Variants in BORCS5 observed in about 807,000 individuals in gnomAD.
BORCS5 encodes the protein BLOC-1-related complex subunit 5.
BORCS5 carries 17 observed loss-of-function variants against 22.1 expected under a neutral mutation model. That is an observed-to-expected ratio of 0.77 (90% confidence interval 0.53 to 1.15). BORCS5 has a LOEUF of 1.15. Among genes scored for constraint, BORCS5 ranks in the 50% most tolerant of loss-of-function variants. The pLI, the probability that BORCS5 is intolerant of heterozygous loss-of-function variation, is 0.00. For synonymous variants in BORCS5, 117 were observed against 99.8 expected (o/e 1.17, Z -1.03); for missense variants, 247 against 253.2 (o/e 0.98, Z 0.17).
At chr12:12,445,529 CTTTTTTTTT>C (rs56356376) in intron 3 of BORCS5, among the ~76,000 whole-genome samples, 4 of 38,992 alleles carry the variant, frequency 1.0e-4, no homozygotes, top group South Asian at 8.4e-4. Flanking sequence ...TTTGAAATAC[CTTTTTTTTT>C]TTTTTTTTTT....
At chr12:12,399,208 T>G (rs558775317) in intron 2 of BORCS5, among the ~76,000 whole-genome samples, 10 of 152,290 alleles carry the variant, frequency 6.6e-5, no homozygotes, top group African/African-American at 2.4e-4. Context: ...TAGCATAGGT[T>G]TCATTCAACC....
intron 2 of BORCS5, among the ~76,000 whole-genome samples, chr12:12,384,292 A>T (rs551137763): frequency 6.6e-6 from 1 of 150,540 alleles, no homozygotes; most frequent in Non-Finnish European, 1.5e-5. Context: ...TGCTTTTTAA[A>T]ATATATATAT....
intron 3 of BORCS5, among the ~76,000 whole-genome samples, chr12:12,443,167 T>C (rs1942718690): frequency 6.6e-6 from 1 of 152,172 alleles, no homozygotes; most frequent in African/African-American, 2.4e-5. Flanking sequence ...ATTGTTAGAG[T>C]CCTGTGGCCG....
At chr12:12,366,193 A>G (rs1453216564) in intron 2 of BORCS5, among the ~76,000 whole-genome samples, 1 of 152,206 alleles carries the variant, frequency 6.6e-6, no homozygotes, top group Non-Finnish European at 1.5e-5. Flanking sequence ...TGATTTCAGA[A>G]AGCTTTTATT....
chr12:12,413,536 G>C lies in BORCS5; in HGVS notation c.203-22092G>C, dbSNP rs947002297. Reference sequence around the variant, plus strand: ...TCTCAGTTTTTTCCCCACCCTTCCTGCCTTTCTATTCCACAAAACCGCCAT... The same window carrying C: ...TCTCAGTTTTTTCCCCACCCTTCCTCCCTTTCTATTCCACAAAACCGCCAT... On this transcript the variant is annotated intron_variant, in intron 2 of 3. Coordinates refer to ENST00000314565, the MANE Select transcript of BORCS5 (RefSeq NM_058169.6). Among the ~76,000 whole-genome samples, 8 of 145,436 alleles carry C rather than the reference G, an allele frequency of 5.5e-5. 1 individual carries two copies. Among genetic ancestry groups the C allele is most frequent in the African/African-American group, 2.1e-4 (8 of 38,274 alleles).
At chr12:12,417,568 C>G (rs1197757178) in intron 2 of BORCS5, among the ~76,000 whole-genome samples, 1 of 152,116 alleles carries the variant, frequency 6.6e-6, no homozygotes, top group African/African-American at 2.4e-5. Flanking sequence ...AGACTTCCAG[C>G]TATTATTGAA....
intron 2 of BORCS5, among the ~76,000 whole-genome samples, chr12:12,386,750 G>A (rs867113555): frequency 5.3e-5 from 8 of 151,164 alleles, no homozygotes; most frequent in Non-Finnish European, 7.4e-5. Context: ...GATTACAGGT[G>A]CCAGCCACCG....
chr12:12,452,301 A>G, intron 3 of BORCS5: 1 of 753,590 alleles, frequency 1.3e-6, no homozygotes, highest in South Asian at 1.3e-5. Flanking sequence ...GTTTGTCTCC[A>G]ATACCATTCC....
At chr12:12,438,845 C>A (rs1288304078) in intron 3 of BORCS5, among the ~76,000 whole-genome samples, 1 of 152,142 alleles carries the variant, frequency 6.6e-6, no homozygotes, top group East Asian at 1.9e-4. Flanking sequence ...GTGAAGGATT[C>A]TTTTAAAAAA....
chr12:12,422,980 GC>G (rs1942177236), intron 2 of BORCS5, among the ~76,000 whole-genome samples: 1 of 132,720 alleles, frequency 7.5e-6, no homozygotes, highest in South Asian at 2.1e-4. Flanking sequence ...AAATACATGG[GC>G]TTTTTTTTTT....
At chr12:12,422,664 A>T (rs1380522595) in intron 2 of BORCS5, among the ~76,000 whole-genome samples, 3 of 152,148 alleles carry the variant, frequency 2.0e-5, no homozygotes, top group Non-Finnish European at 4.4e-5. Flanking sequence ...TGACAGCTTA[A>T]CTTTCATAAC....
chr12:12,404,807 T>C (rs534283053), intron 2 of BORCS5, among the ~76,000 whole-genome samples: 2 of 152,324 alleles, frequency 1.3e-5, no homozygotes, highest in East Asian at 1.9e-4. Context: ...CAAGTGATTC[T>C]CCTGCCTCAG....
At chr12:12,434,128 C>T (rs749393242) in intron 2 of BORCS5, among the ~76,000 whole-genome samples, 7 of 151,844 alleles carry the variant, frequency 4.6e-5, no homozygotes, top group African/African-American at 7.3e-5. Flanking sequence ...ACTAAAAATA[C>T]AAAAACTAGC....
intron 2 of BORCS5, among the ~76,000 whole-genome samples, chr12:12,423,970 G>A (rs150967521): frequency 0.011 from 1,641 of 152,312 alleles, 28 homozygotes; most frequent in African/African-American, 0.037. Flanking sequence ...GATTACAGGC[G>A]TGAGCCAGTG....
At chr12:12,465,272 G>C (rs533064771) in intron 3 of BORCS5, among the ~76,000 whole-genome samples, 13 of 152,332 alleles carry the variant, frequency 8.5e-5, no homozygotes, top group African/African-American at 3.1e-4. Context: ...TAGGGAGATA[G>C]AAATCTCAGG....
intron 2 of BORCS5, among the ~76,000 whole-genome samples, chr12:12,378,384 T>TA (rs1863701552): frequency 6.6e-6 from 1 of 152,036 alleles, no homozygotes; most frequent in Admixed American, 6.6e-5. Flanking sequence ...AAAAAATACA[T>TA]AAAGTCTACT....
chr12:12,447,074 A>C (rs1942803801), intron 3 of BORCS5, among the ~76,000 whole-genome samples: 1 of 152,082 alleles, frequency 6.6e-6, no homozygotes, highest in Non-Finnish European at 1.5e-5. Flanking sequence ...TTCTACCTGG[A>C]AGTTTACGAA....
chr12:12,423,838 G>A (rs1942207267), intron 2 of BORCS5, among the ~76,000 whole-genome samples: 1 of 152,164 alleles, frequency 6.6e-6, no homozygotes, highest in African/African-American at 2.4e-5. Flanking sequence ...ACAGGCATCT[G>A]CCACCACGCC....
At chr12:12,391,272 T>C (rs1941176561) in intron 2 of BORCS5, among the ~76,000 whole-genome samples, 2 of 152,212 alleles carry the variant, frequency 1.3e-5, no homozygotes, top group African/African-American at 4.8e-5. Flanking sequence ...TAGATACTTA[T>C]TGAAGATTTG....
Sources: allele counts gnomAD v4.1 joint callset (sites outside exome capture counted in the v4.1 genomes callset), GRCh38; gene constraint gnomAD v4.1.1; transcripts MANE v1.5; gene names NCBI Gene and HGNC (gene_info 2026-07-23, HGNC 2026-07-21).